Variants in AGPAT3 observed in about 807,000 individuals in gnomAD.
The protein encoded by AGPAT3 is 1-acylglycerol-3-phosphate O-acyltransferase 3.
Under a neutral mutation model 47.3 loss-of-function variants are expected in AGPAT3, and 5 were observed. The ratio of observed to expected loss-of-function variants is 0.11; its 90% CI spans 0.06 to 0.22. AGPAT3 has a LOEUF of 0.22. Among genes scored for constraint, AGPAT3 ranks in the 10% least tolerant of loss-of-function variants. AGPAT3 has a pLI of 1.00. For synonymous variants in AGPAT3, 212 were observed against 208.3 expected (o/e 1.02, Z -0.15); for missense variants, 315 against 493.0 (o/e 0.64, Z 3.42).
At chr21:43,878,349 G>A (rs1810491220) in intron 1 of AGPAT3, among the ~76,000 whole-genome samples, 1 of 152,200 alleles carries the variant, frequency 6.6e-6, no homozygotes. Flanking sequence ...ACGGAGTCAC[G>A]TCGTGGCTCT....
rs572309544 is a variant in AGPAT3 at position 43,875,553 on chromosome 21, G to A, written c.-112+10208G>A. Among the ~76,000 whole-genome samples the A allele has an allele frequency of 3.9e-4, 60 of 152,300 alleles. No individual in the cohort carries two copies. The South Asian group carries it at 4.6e-3, about 12-fold the overall frequency. On this transcript the variant is annotated intron_variant, in intron 1 of 9. Transcript: ENST00000291572. ...TGCTTCATTCCAGGTTATTTCTTCA[G>A]CTGTCTTCCAATTTAGCAACTCTAT...
At chr21:43,867,081 A>G (rs2085524852) in intron 1 of AGPAT3, 1 of 152,284 alleles carries the variant, frequency 6.6e-6, no homozygotes, top group African/African-American at 2.4e-5. Flanking sequence ...TAATGGCTTT[A>G]TTTTGGAAAT....
intron 1 of AGPAT3, among the ~76,000 whole-genome samples, chr21:43,868,699 C>T (rs1281041610): frequency 6.6e-6 from 1 of 152,192 alleles, no homozygotes; most frequent in East Asian, 1.9e-4. Flanking sequence ...GCGCTGCAGC[C>T]ACGCTGGCTC....
At chr21:43,910,272 G>A (rs1238865650) in intron 2 of AGPAT3, among the ~76,000 whole-genome samples, 1 of 152,226 alleles carries the variant, frequency 6.6e-6, no homozygotes, top group Non-Finnish European at 1.5e-5. Context: ...CCCGTGAGAG[G>A]GTGCTGGTCT....
chr21:43,897,181 A>G (rs2086240128), intron 1 of AGPAT3, among the ~76,000 whole-genome samples: 1 of 151,882 alleles, frequency 6.6e-6, no homozygotes, highest in African/African-American at 2.4e-5. Context: ...GCTGCCTTCA[A>G]GCGTCTGTTT....
intron 2 of AGPAT3, among the ~76,000 whole-genome samples, chr21:43,914,120 G>A (rs1428220921): frequency 6.6e-6 from 1 of 152,168 alleles, no homozygotes; most frequent in African/African-American, 2.4e-5. Flanking sequence ...GCTCTGTGTC[G>A]TGGTTGAGGC....
Position 43,920,021 on chromosome 21 carries a change from T to C in AGPAT3, c.-49+16002T>C, listed in dbSNP as rs906286889. On this transcript the variant is annotated intron_variant, in intron 2 of 9. Coordinates refer to ENST00000291572, the MANE Select transcript of AGPAT3 (RefSeq NM_020132.5). The surrounding 1 kb of genome is among the most constrained non-coding windows in gnomAD (Gnocchi z 6.1). ...TGCCATGCGGGCGTCTGCATCTCCA[T>C]GCTTGGAGTCCGCGGGGGGTCTCCA... is the stretch of plus-strand genomic sequence containing the variant. 4 of 152,238 alleles carry C rather than the reference T, an allele frequency of 2.6e-5. No individual in the cohort carries two copies. Among genetic ancestry groups the C allele is most frequent in the Non-Finnish European group, 5.9e-5 (4 of 68,050 alleles). The allele number at this position is 152,238 out of a possible 1,614,324, so 9.4% of individuals were successfully genotyped here. A position where few individuals can be genotyped will look rare whatever the true frequency, so the allele number is the denominator to read the frequency against.
intron 2 of AGPAT3, among the ~76,000 whole-genome samples, chr21:43,913,468 A>C (rs1246245437): frequency 6.6e-6 from 1 of 152,086 alleles, no homozygotes; most frequent in Non-Finnish European, 1.5e-5. Context: ...CGCCTCTAGT[A>C]CCAGCTACTT....
rs2087282747 is a variant in AGPAT3, at chr21:43,932,419, T to C, written c.-48-27215T>C. ...GTGTCGGGTCTACCACGTTTGTCTG[T>C]GATGTTGCCAGTGACAGGACTTCCT... On this transcript the variant is annotated intron_variant, in intron 2 of 9. Transcript: ENST00000291572. This position sits in a 1 kb window ranked among gnomAD's most constrained non-coding sequence, Gnocchi z 5.2. Among the ~76,000 whole-genome samples the C allele has an allele frequency of 6.6e-6, 1 of 152,230 alleles. No individual in the cohort carries two copies. The highest frequency in any genetic ancestry group is 2.4e-5 in the African/African-American group (1 of 41,456).
At position 43,982,758 on chromosome 21, in the gene AGPAT3, C is replaced by G. The variant is rs376689976; in HGVS notation, c.*366C>G. On this transcript the variant is annotated 3_prime_UTR_variant, in exon 10 of 10. Transcript: ENST00000291572. This position sits in a 1 kb window ranked among gnomAD's most constrained non-coding sequence, Gnocchi z 6.2. ...TAATCAGTTATCTTGGGAACTTAAC[C>G]TGGCCCCTCACCTCTTCTGCACCCC... 5.5e-6 allele frequency: 1 copy of G among 182,194 alleles called. No individual in the cohort carries two copies. Among genetic ancestry groups the G allele is most frequent in the Non-Finnish European group, 1.1e-5 (1 of 87,776 alleles). The allele number at this position is 182,194 out of a possible 1,614,324, so 11.3% of individuals were successfully genotyped here.
Position 43,953,403 on chromosome 21 carries a change from G to A in AGPAT3, c.-48-6231G>A, listed in dbSNP as rs571708812. Among the ~76,000 whole-genome samples, 8 of 152,352 alleles carry A rather than the reference G, an allele frequency of 5.3e-5. No individual in the cohort carries two copies. In the East Asian group the frequency reaches 1.4e-3, roughly 26 times the overall value. ...GCTGTCCTGATTCGTAGGAGATGTG[G>A]ACGGACATGGAGGGAGTGCCGTGAC... On this transcript the variant is annotated intron_variant, in intron 2 of 9. Transcript: ENST00000291572.
chr21:43,928,582 G>T (rs1406221771), intron 2 of AGPAT3, among the ~76,000 whole-genome samples: 4 of 152,226 alleles, frequency 2.6e-5, no homozygotes, highest in Non-Finnish European at 5.9e-5. Flanking sequence ...TTTGACTTAG[G>T]TTTTAAGTGT....
At chr21:43,928,283 C>T (rs760081718) in intron 2 of AGPAT3, among the ~76,000 whole-genome samples, 26 of 152,344 alleles carry the variant, frequency 1.7e-4, no homozygotes, top group Non-Finnish European at 2.8e-4. Flanking sequence ...GAGTTCGACA[C>T]GGCCACTGTT....
In AGPAT3 at chr21:43,922,470, T is replaced by C. The variant is rs978797993; in HGVS notation, c.-49+18451T>C. Among the ~76,000 whole-genome samples, 3 of 151,142 alleles carry C rather than the reference T, an allele frequency of 2.0e-5. No individual in the cohort carries two copies. Among genetic ancestry groups the C allele is most frequent in the Non-Finnish European group, 4.4e-5 (3 of 67,792 alleles). On this transcript the variant is annotated intron_variant, in intron 2 of 9. Coordinates refer to ENST00000291572, the MANE Select transcript of AGPAT3 (RefSeq NM_020132.5). This position sits in a 1 kb window ranked among gnomAD's most constrained non-coding sequence, Gnocchi z 4.9. The stretch of plus-strand genomic sequence containing the variant: ...AAGGCAGGCAGCGAGTGGAGGAGAG[T>C]CTCCCTGGGACCCTCCTTAACCCCA...
chr21:43,944,996 T>C (rs1056310660), intron 2 of AGPAT3, among the ~76,000 whole-genome samples: 1 of 152,168 alleles, frequency 6.6e-6, no homozygotes, highest in African/African-American at 2.4e-5. Flanking sequence ...CCACTGGGAT[T>C]GACGCCAGCA....
chr21:43,921,118 A>C (rs539416086), intron 2 of AGPAT3, among the ~76,000 whole-genome samples: 1 of 152,292 alleles, frequency 6.6e-6, no homozygotes, highest in Non-Finnish European at 1.5e-5. Context: ...GCCTCAAAAA[A>C]ACAAAACAAG....
chr21:43,907,125 C>T (rs1569057432), intron 2 of AGPAT3, among the ~76,000 whole-genome samples: 1 of 151,176 alleles, frequency 6.6e-6, no homozygotes, highest in African/African-American at 2.4e-5. Context: ...TTGAGCTCTC[C>T]TGGGCTGAAG....
At chr21:43,937,802 C>G (rs1262784297) in intron 2 of AGPAT3, among the ~76,000 whole-genome samples, 1 of 152,172 alleles carries the variant, frequency 6.6e-6, no homozygotes, top group African/African-American at 2.4e-5. Context: ...TCCTTTCTCT[C>G]TCTCATTAAC....
chr21:43,970,106 T>C lies in AGPAT3; in HGVS notation c.511-547T>C, dbSNP rs1481218930. On this transcript the variant is annotated intron_variant, in intron 5 of 9. Transcript: ENST00000291572. This position sits in a 1 kb window ranked among gnomAD's most constrained non-coding sequence, Gnocchi z 5.8. ...TCACTGCAACCTCTGCCTCCCGGGTTCCAGCAGTTCTCCTCTCTCAGCCTC... is the reference window on the plus strand; with the variant it reads ...TCACTGCAACCTCTGCCTCCCGGGTCCCAGCAGTTCTCCTCTCTCAGCCTC... 6.6e-6 allele frequency among the ~76,000 whole-genome samples: 1 copy of C among 151,970 alleles called. No individual in the cohort carries two copies. Among genetic ancestry groups the C allele is most frequent in the East Asian group, 1.9e-4 (1 of 5,182 alleles).
Sources: gnomAD v4.1 joint callset for allele counts (sites outside exome capture counted in the v4.1 genomes callset) on GRCh38, gnomAD v4.1.1 for gene constraint, Gnocchi (gnomAD v3.1) non-coding constraint, MANE v1.5 for transcripts, NCBI Gene and HGNC (gene_info 2026-07-23, HGNC 2026-07-21) for gene names.